Variants in SNX2 observed in about 807,000 individuals in gnomAD.
SNX2 encodes sorting nexin 2, also known as sorting nexin-2.
In SNX2, 25 loss-of-function variants were observed where a neutral mutation model predicts 69.9. The ratio of observed to expected loss-of-function variants is 0.36; its 90% CI spans 0.26 to 0.50. The LOEUF is 0.50. Among genes scored for constraint, SNX2 ranks in the 20% least tolerant of loss-of-function variants. The pLI is 0.97. For missense variants in SNX2, 551 were observed against 613.3 expected, an observed-to-expected ratio of 0.90 and a Z score of 1.07; for synonymous variants, 229 against 200.4, an observed-to-expected ratio of 1.14 and a Z score of -1.20.
Position 122,815,823 on chromosome 5 carries a change from A to AT in SNX2, c.723-66dup, listed in dbSNP as rs952172399. ...GACACTTTTTTTTCCTAGTATTTCT[A>AT]TTTTTTTATCATTTTGTTGAACTGT... On this transcript the variant is annotated intron_variant, in intron 7 of 14. Coordinates refer to ENST00000379516, the MANE Select transcript of SNX2 (RefSeq NM_003100.4). 14 of 778,262 alleles carry AT rather than the reference A, an allele frequency of 1.8e-5. No homozygotes were observed. The African/African-American group carries it at 1.9e-4, about 11-fold the overall frequency. The allele number at this position is 778,262 out of a possible 1,614,324, so 48.2% of individuals were successfully genotyped here.
intron 1 of SNX2, among the ~76,000 whole-genome samples, chr5:122,776,082 C>T (rs912560843): frequency 2.7e-4 from 41 of 152,248 alleles, no homozygotes; most frequent in Middle Eastern, 6.8e-3. Context: ...GCACCCACAC[C>T]TCACAGCCTA....
Position 122,822,735 on chromosome 5 carries a change from C to T in SNX2, c.1213-3315C>T, listed in dbSNP as rs533646736. ...TAAGAGTTGGCTGTATCCTTACAAG[C>T]ATTGTCATGTATTGGGCTTCTTTGA... On this transcript the variant is annotated intron_variant, in intron 11 of 14. Transcript: ENST00000379516. Among the ~76,000 whole-genome samples the T allele has an allele frequency of 6.6e-5, 10 of 152,302 alleles. No homozygotes were observed. The East Asian group carries it at 1.9e-3, about 29-fold the overall frequency.
intron 3 of SNX2, 72 bp from the exon 4 acceptor site, chr5:122,801,797 G>A (rs1753521869): frequency 1.1e-6 from 1 of 934,960 alleles, no homozygotes; most frequent in South Asian, 1.5e-5. Flanking sequence ...GAAAATAGAT[G>A]ATAAAAATTA....
At chr5:122,775,269 C>A in intron 1 of SNX2, 58 bp downstream of exon 1, 1 of 1,498,466 alleles carries the variant, frequency 6.7e-7, no homozygotes, top group Middle Eastern at 1.7e-4. Context: ...CTCACCTTTC[C>A]CCTGCCCCGA....
intron 11 of SNX2, among the ~76,000 whole-genome samples, chr5:122,819,380 A>G (rs1172680652): frequency 6.6e-6 from 1 of 152,232 alleles, no homozygotes; most frequent in Admixed American, 6.5e-5. Context: ...CTGACTGTGT[A>G]ATAAATAGGA....
intron 1 of SNX2, among the ~76,000 whole-genome samples, chr5:122,777,292 C>T (rs552152172): frequency 6.6e-6 from 1 of 152,270 alleles, no homozygotes; most frequent in South Asian, 2.1e-4. Context: ...TGTTGAAGTG[C>T]AAATTCGGAT....
chr5:122,781,786 A>C (rs1479923434), intron 1 of SNX2, among the ~76,000 whole-genome samples: 1 of 152,194 alleles, frequency 6.6e-6, no homozygotes, highest in Non-Finnish European at 1.5e-5. Context: ...CCATTATTAA[A>C]AATTAAATGC....
chr5:122,795,254 CT>C lies in SNX2; in HGVS notation c.109-6del. Reference sequence around the variant, plus strand: ...TGCCAATCCATTACCTATTATTGTTCTTTTTTAACAGTCAAGTCCATCATCT... The same window carrying C: ...TGCCAATCCATTACCTATTATTGTTCTTTTTAACAGTCAAGTCCATCATCT... On this transcript the variant is annotated splice_polypyrimidine_tract_variant and intron_variant, in intron 1 of 14. Coordinates refer to ENST00000379516, the MANE Select transcript of SNX2 (RefSeq NM_003100.4). 6.4e-7 allele frequency: 1 copy of C among 1,573,644 alleles called. No individual in the cohort carries two copies. The highest frequency in any genetic ancestry group is 1.1e-5 in the South Asian group (1 of 89,754).
intron 8 of SNX2, 140 bp from the exon 9 acceptor site, chr5:122,816,775 T>C (rs1406746859): frequency 6.0e-6 from 3 of 497,544 alleles, no homozygotes; most frequent in Non-Finnish European, 1.1e-5. Flanking sequence ...TTGAAATGTA[T>C]GAGAGTGAAG....
chr5:122,807,251 G>A (rs1753679984), intron 6 of SNX2, among the ~76,000 whole-genome samples: 1 of 151,600 alleles, frequency 6.6e-6, no homozygotes, highest in South Asian at 2.1e-4. Context: ...GACAGAGTGA[G>A]ACCGTGTTTC....
chr5:122,827,627 T>A lies in SNX2; in HGVS notation c.1490T>A (p.Leu497Gln). The A allele has an allele frequency of 6.2e-7, 1 of 1,612,596 alleles. No homozygotes were observed. The highest frequency in any genetic ancestry group is 2.2e-5 in the East Asian group (1 of 44,790). Residue 497 changes from leucine (L) to glutamine (Q), a missense_variant, in exon 14 of 15, where the codon CTA (leucine) becomes CAA (glutamine). Physicochemically the swap from Leu to Gln is moderately radical, Grantham distance 113 (BLOSUM62 -2). This residue lies in a region of SNX2 where 360 missense variants were observed against 450.4 expected (regional missense o/e 0.80). Coordinates refer to ENST00000379516, the MANE Select transcript of SNX2 (RefSeq NM_003100.4). ...KTVIIKYLES[L>Q]VQTQQQLIKY... ...GTTATCATCAAGTACTTAGAATCAC[T>A]AGTTCAAACACAACAACAGGTAAGC... is the stretch of plus-strand genomic sequence containing the variant.
At chr5:122,781,625 A>G (rs1024426423) in intron 1 of SNX2, among the ~76,000 whole-genome samples, 3 of 152,202 alleles carry the variant, frequency 2.0e-5, no homozygotes, top group Non-Finnish European at 4.4e-5. Flanking sequence ...CATTGCATCA[A>G]TAATGACTAA....
chr5:122,813,789 T>TTTC (rs1491268510), intron 7 of SNX2, among the ~76,000 whole-genome samples: 3 of 136,130 alleles, frequency 2.2e-5, no homozygotes, highest in African/African-American at 5.5e-5. Flanking sequence ...TTTTTTTTTT[T>TTTC]CTGAGACGGA....
rs1754357338 is a variant in SNX2, at chr5:122,834,178, T to C, written c.*4530T>C. ...TAGAATTCTAGGAAATCTTTTGGGA[T>C]ACAGAGAACTTATTTCTTCCAACTG... On this transcript the variant is annotated 3_prime_UTR_variant, in exon 15 of 15. Transcript: ENST00000379516. The C allele has an allele frequency of 6.6e-6, 1 of 152,232 alleles. No homozygotes were observed. The highest frequency in any genetic ancestry group is 1.5e-5 in the Non-Finnish European group (1 of 68,040). The allele number at this position is 152,232 out of a possible 1,614,324, so 9.4% of individuals were successfully genotyped here.
intron 1 of SNX2, among the ~76,000 whole-genome samples, chr5:122,781,472 A>G (rs1044293943): frequency 7.9e-5 from 12 of 152,172 alleles, no homozygotes; most frequent in African/African-American, 2.7e-4. Context: ...ATAAACATGT[A>G]TTTACAGGCT....
intron 6 of SNX2, among the ~76,000 whole-genome samples, chr5:122,805,564 A>T (rs1256111128): frequency 2.0e-5 from 3 of 152,062 alleles, no homozygotes; most frequent in African/African-American, 7.2e-5. Context: ...TTTAAATTCA[A>T]AAATTGAGTT....
intron 2 of SNX2, among the ~76,000 whole-genome samples, chr5:122,797,582 G>C (rs1753412037): frequency 1.3e-5 from 2 of 152,138 alleles, no homozygotes; most frequent in Non-Finnish European, 2.9e-5. Flanking sequence ...AACTATAATA[G>C]GGAGCAGCGT....
In SNX2 at chr5:122,831,717, T is replaced by C. The variant is rs948659418; in HGVS notation, c.*2069T>C. ...TCACTATAATGATGTCCTAGTGTTA[T>C]ATCCACAGGTATATTACTTAACAAA... On this transcript the variant is annotated 3_prime_UTR_variant, in exon 15 of 15. Transcript: ENST00000379516. Among the ~76,000 whole-genome samples, 2 of 152,228 alleles carry C rather than the reference T, an allele frequency of 1.3e-5. No individual in the cohort carries two copies. Among genetic ancestry groups the C allele is most frequent in the Non-Finnish European group, 2.9e-5 (2 of 68,028 alleles).
At chr5:122,784,387 A>C (rs1561441515) in intron 1 of SNX2, among the ~76,000 whole-genome samples, 1 of 150,356 alleles carries the variant, frequency 6.7e-6, no homozygotes, top group Non-Finnish European at 1.5e-5. Context: ...CTCTGTTTCT[A>C]GTTTTCTGAG....
Sources: gnomAD v4.1 joint callset for allele counts (sites outside exome capture counted in the v4.1 genomes callset) on GRCh38, gnomAD v4.1.1 for gene constraint, gnomAD v4.1.1 regional missense constraint, MANE v1.5 for transcripts, NCBI Gene and HGNC (gene_info 2026-07-23, HGNC 2026-07-21) for gene names.